The following PDE9A variants were observed in gnomAD, a reference collection of about 807,000 sequenced individuals.
The protein encoded by PDE9A is phosphodiesterase 9A, also known as high affinity cGMP-specific 3',5'-cyclic phosphodiesterase 9A.
A neutral mutation model predicts 87.4 loss-of-function variants in PDE9A; 60 were observed. The ratio of observed to expected loss-of-function variants is 0.69; its 90% CI spans 0.56 to 0.85. The LOEUF (loss-of-function observed/expected upper bound fraction) is 0.85, where lower values mean the gene tolerates loss of function less well. Ranked by LOEUF, PDE9A falls within the 40% of genes least tolerant of loss-of-function variation. PDE9A has a pLI of 0.00. For synonymous variants in PDE9A, 272 were observed against 279.4 expected (o/e 0.97, Z 0.27); for missense variants, 665 against 779.0 (o/e 0.85, Z 1.74).
chr21:42,709,605 G>A (rs908472993), intron 4 of PDE9A, among the ~76,000 whole-genome samples: 3 of 152,156 alleles, frequency 2.0e-5, no homozygotes, highest in African/African-American at 4.8e-5. Flanking sequence ...TGAGTTTCAC[G>A]GAGTTGAAAT....
chr21:42,714,236 C>G (rs979180094), intron 4 of PDE9A, among the ~76,000 whole-genome samples: 5 of 152,122 alleles, frequency 3.3e-5, no homozygotes, highest in African/African-American at 4.8e-5. Flanking sequence ...CCAGGATGGT[C>G]TCGCTCTCCT....
At chr21:42,691,587 A>ACATCAC (rs1253882691) in intron 3 of PDE9A, among the ~76,000 whole-genome samples, 1 of 136,902 alleles carries the variant, frequency 7.3e-6, no homozygotes, top group Non-Finnish European at 1.6e-5. Flanking sequence ...TCACCCAGAC[A>ACATCAC]CATCACCATC....
intron 1 of PDE9A, among the ~76,000 whole-genome samples, chr21:42,668,898 A>ACCCCCCCCCCCCCCTCCCCCCC (rs375148519): frequency 9.5e-6 from 1 of 104,786 alleles, no homozygotes; most frequent in African/African-American, 4.6e-5. Context: ...TGCTCCCTCC[A>ACCCCCCCCCCCCCCTCCCCCCC]CCCCCCGCCA....
intron 4 of PDE9A, among the ~76,000 whole-genome samples, chr21:42,701,495 G>A (rs1482953698): frequency 6.6e-6 from 1 of 151,458 alleles, no homozygotes; most frequent in Non-Finnish European, 1.5e-5. Context: ...GGAGTGCAGT[G>A]ATGCGGTCAT....
chr21:42,734,664 CTGGGTT>C (rs2052203757), intron 7 of PDE9A: 2 of 152,278 alleles, frequency 1.3e-5, no homozygotes, highest in Admixed American at 6.5e-5. Flanking sequence ...CCTTCGCCTC[CTGGGTT>C]CAAGTGATTC....
chr21:42,691,332 G>C (rs1279500278), intron 3 of PDE9A, among the ~76,000 whole-genome samples: 1 of 146,012 alleles, frequency 6.8e-6, no homozygotes, highest in Non-Finnish European at 1.5e-5. Flanking sequence ...ACCATCCAAA[G>C]TCACCAAGCC....
chr21:42,742,020 A>G (rs1228022768), intron 7 of PDE9A, among the ~76,000 whole-genome samples: 1 of 152,216 alleles, frequency 6.6e-6, no homozygotes, highest in African/African-American at 2.4e-5. Context: ...ACCAACTCTA[A>G]TTGAAAAGCC....
chr21:42,766,180 A>C (rs1238235245), intron 15 of PDE9A, among the ~76,000 whole-genome samples: 1 of 150,950 alleles, frequency 6.6e-6, no homozygotes, highest in Non-Finnish European at 1.5e-5. Context: ...AAAAGAAAGA[A>C]AAATAAAAAA....
chr21:42,686,866 C>T (rs1016333551), intron 2 of PDE9A, among the ~76,000 whole-genome samples: 1 of 152,128 alleles, frequency 6.6e-6, no homozygotes, highest in Non-Finnish European at 1.5e-5. Context: ...CTCACTTCTT[C>T]ATTCACTTTT....
At chr21:42,662,131 A>G (rs1057162007) in intron 1 of PDE9A, among the ~76,000 whole-genome samples, 2 of 152,146 alleles carry the variant, frequency 1.3e-5, no homozygotes, top group Non-Finnish European at 2.9e-5. Flanking sequence ...TAAATGCTAT[A>G]TAAGTGTTAT....
Position 42,774,240 on chromosome 21 carries a change from C to T in PDE9A, c.1769-1040C>T, listed in dbSNP as rs534433892. ...CATGCAAGGCTCAGGGCAGGACAAA[C>T]GGGACATGGCTCATAAGAGGAGCTG... On this transcript the variant is annotated intron_variant, in intron 19 of 19. Transcript: ENST00000291539. Among the ~76,000 whole-genome samples, 5 of 152,282 alleles carry T rather than the reference C, an allele frequency of 3.3e-5. No homozygotes were observed. In the South Asian group the frequency reaches 6.2e-4, roughly 19 times the overall value.
chr21:42,687,876 C>G (rs374009448), intron 2 of PDE9A, 41 bp from the exon 3 acceptor site: 9 of 1,550,598 alleles, frequency 5.8e-6, no homozygotes, highest in Non-Finnish European at 8.0e-6. Flanking sequence ...CATCCCAGAG[C>G]ACACTATGGG....
chr21:42,713,992 G>A (rs867524898), intron 4 of PDE9A, among the ~76,000 whole-genome samples: 1 of 100,310 alleles, frequency 1.0e-5, no homozygotes, highest in Admixed American at 9.6e-5. Flanking sequence ...TTGTCAATTT[G>A]TTAAAACTTT....
intron 3 of PDE9A, among the ~76,000 whole-genome samples, chr21:42,693,530 T>A (rs1170937054): frequency 1.3e-5 from 2 of 151,256 alleles, no homozygotes; most frequent in Non-Finnish European, 2.9e-5. Flanking sequence ...GACCTCGTGA[T>A]CCACCTGCCT....
rs2060083561 is a variant in PDE9A at position 42,695,342 on chromosome 21, C to CA, written c.219-3625dup. On this transcript the variant is annotated intron_variant, in intron 3 of 19. Transcript: ENST00000291539. This position sits in a 1 kb window ranked among gnomAD's most constrained non-coding sequence, Gnocchi z 4.3. The stretch of plus-strand genomic sequence containing the variant: ...TCCGGGAACATTCTGGAGATCCTGA[C>CA]ATCCAGCTAACATGGGCGTTGCTTC... Among the ~76,000 whole-genome samples, 1 of 152,220 alleles carries CA rather than the reference C, an allele frequency of 6.6e-6. No homozygotes were observed. Among genetic ancestry groups the CA allele is most frequent in the Admixed American group, 6.5e-5 (1 of 15,278 alleles).
At position 42,696,436 on chromosome 21, in the gene PDE9A, C is replaced by T. The variant is rs1224584426; in HGVS notation, c.219-2532C>T. 6.6e-6 allele frequency among the ~76,000 whole-genome samples: 1 copy of T among 152,202 alleles called. No homozygotes were observed. Among genetic ancestry groups the T allele is most frequent in the Non-Finnish European group, 1.5e-5 (1 of 68,034 alleles). ...GGAGGAGAAGAAAGAGTCCTTGCTG[C>T]TCCTCAGAGAAGACACAGGAGAAGA... On this transcript the variant is annotated intron_variant, in intron 3 of 19. Coordinates refer to ENST00000291539, the MANE Select transcript of PDE9A (RefSeq NM_002606.3). This position sits in a 1 kb window ranked among gnomAD's most constrained non-coding sequence, Gnocchi z 5.1.
chr21:42,719,643 A>AAT (rs1350422854), intron 4 of PDE9A, among the ~76,000 whole-genome samples: 26 of 141,564 alleles, frequency 1.8e-4, no homozygotes, highest in African/African-American at 6.7e-4. Context: ...CTGTCTCAAA[A>AAT]AAAAAAAAAA....
Position 42,660,864 on chromosome 21 carries a change from T to A in PDE9A, c.69+6981T>A, listed in dbSNP as rs2057430639. ...TATTTGTCTTGAACCCATCCCTGAC[T>A]GCCTGTCTCCCCCCTCACCCTGACC... is the stretch of plus-strand genomic sequence containing the variant. On this transcript the variant is annotated intron_variant, in intron 1 of 19. Coordinates refer to ENST00000291539, the MANE Select transcript of PDE9A (RefSeq NM_002606.3). The surrounding 1 kb of genome is among the most constrained non-coding windows in gnomAD (Gnocchi z 4.7). 6.6e-6 allele frequency among the ~76,000 whole-genome samples: 1 copy of A among 152,036 alleles called. No individual in the cohort carries two copies. The highest frequency in any genetic ancestry group is 1.5e-5 in the Non-Finnish European group (1 of 68,010).
At chr21:42,653,976 G>T in intron 1 of PDE9A, 93 bp downstream of exon 1, 5 of 693,532 alleles carry the variant, frequency 7.2e-6, no homozygotes, top group South Asian at 1.9e-5. Context: ...TGCGTCTGCC[G>T]GTCCAGGCTG....
Sources: allele counts gnomAD v4.1 joint callset (sites outside exome capture counted in the v4.1 genomes callset), GRCh38; gene constraint gnomAD v4.1.1; non-coding constraint Gnocchi (gnomAD v3.1); transcripts MANE v1.5; gene names NCBI Gene and HGNC (gene_info 2026-07-23, HGNC 2026-07-21).